The following COA1 variants were observed in gnomAD, a reference collection of about 807,000 sequenced individuals.
COA1 encodes cytochrome c oxidase assembly factor 1.
Under a neutral mutation model 16.0 loss-of-function variants are expected in COA1, and 13 were observed. That is an observed-to-expected ratio of 0.81 (90% CI 0.53 to 1.29). The LOEUF is 1.29. Ranked by LOEUF, COA1 falls within the 50% of genes most tolerant of loss-of-function variation. The pLI, the probability that COA1 is intolerant of heterozygous loss-of-function variation, is 0.00. For missense variants in COA1, 179 were observed against 177.0 expected (o/e 1.01, Z -0.06); for synonymous variants, 65 against 65.7 (o/e 0.99, Z 0.05).
At chr7:43,645,535 G>A (rs1025845382) in intron 3 of COA1, 136 bp from the exon 4 acceptor site, 1 of 748,240 alleles carries the variant, frequency 1.3e-6, no homozygotes, top group Non-Finnish European at 2.2e-6. Flanking sequence ...GAATAATTAA[G>A]GCCATCTACT....
chr7:43,615,135 A>AT (rs2083226851), intron 6 of COA1, among the ~76,000 whole-genome samples: 2 of 152,178 alleles, frequency 1.3e-5, no homozygotes, highest in Non-Finnish European at 2.9e-5. Context: ...TTGCCTGAAT[A>AT]ATAAGACATT....
intron 1 of COA1, among the ~76,000 whole-genome samples, chr7:43,695,716 A>C (rs1177258091): frequency 6.6e-6 from 1 of 150,832 alleles, no homozygotes; most frequent in Non-Finnish European, 1.5e-5. Context: ...TAAAACCAAG[A>C]GTGACCAACA....
At chr7:43,684,887 T>G (rs940549681) in intron 1 of COA1, among the ~76,000 whole-genome samples, 1 of 152,048 alleles carries the variant, frequency 6.6e-6, no homozygotes, top group Non-Finnish European at 1.5e-5. Flanking sequence ...GAAGAAACTT[T>G]AGACTTTATT....
chr7:43,679,803 G>C (rs1175007472), intron 1 of COA1, among the ~76,000 whole-genome samples: 1 of 152,188 alleles, frequency 6.6e-6, no homozygotes, highest in Admixed American at 6.5e-5. Context: ...AAGGGGTCAG[G>C]AAAGAACCTT....
intron 4 of COA1, among the ~76,000 whole-genome samples, chr7:43,644,761 G>GATAGATAGATAGAT (rs59592633): frequency 1.8e-4 from 16 of 90,196 alleles, no homozygotes; most frequent in East Asian, 9.4e-4. Flanking sequence ...TAGATAGATA[G>GATAGATAGATAGAT]GCAGGCAGGC....
At chr7:43,644,122 T>C (rs2088011055) in intron 4 of COA1, among the ~76,000 whole-genome samples, 1 of 152,154 alleles carries the variant, frequency 6.6e-6, no homozygotes, top group African/African-American at 2.4e-5. Flanking sequence ...TTCCCAGGCA[T>C]GCTGCTCCTC....
intron 1 of COA1, among the ~76,000 whole-genome samples, chr7:43,683,299 C>T (rs1309110220): frequency 1.3e-5 from 2 of 151,876 alleles, no homozygotes; most frequent in East Asian, 3.9e-4. Context: ...GTAAAGTAAC[C>T]CTGAGCTCAC....
chr7:43,706,606 C>T (rs371707291), intron 1 of COA1, among the ~76,000 whole-genome samples: 3 of 151,982 alleles, frequency 2.0e-5, no homozygotes, highest in East Asian at 3.8e-4. Flanking sequence ...CAGTGGCTCA[C>T]ACCTATAATC....
At chr7:43,725,609 A>T (rs569085275) in intron 1 of COA1, among the ~76,000 whole-genome samples, 1 of 152,312 alleles carries the variant, frequency 6.6e-6, no homozygotes, top group Non-Finnish European at 1.5e-5. Context: ...CTATAACCCC[A>T]GCACTTTAGG....
intron 1 of COA1, among the ~76,000 whole-genome samples, chr7:43,710,375 A>AATATATATATATATATATATAT (rs1554558920): frequency 1.1e-4 from 4 of 36,448 alleles, no homozygotes; most frequent in Admixed American, 4.7e-4. Flanking sequence ...AAAAAAAAAA[A>AATATATATATATATATATATAT]ATATATATAT....
chr7:43,662,924 C>T (rs1563298710), intron 1 of COA1, among the ~76,000 whole-genome samples: 1 of 152,180 alleles, frequency 6.6e-6, no homozygotes. Flanking sequence ...TGTCATAAAT[C>T]AAGTGCCATA....
At chr7:43,719,917 C>A (rs1001569781) in intron 1 of COA1, among the ~76,000 whole-genome samples, 1 of 152,156 alleles carries the variant, frequency 6.6e-6, no homozygotes, top group Admixed American at 6.5e-5. Flanking sequence ...GAGGCCACAT[C>A]ACAGAACAGG....
At chr7:43,692,887 A>G (rs2094419011) in intron 1 of COA1, among the ~76,000 whole-genome samples, 2 of 152,168 alleles carry the variant, frequency 1.3e-5, no homozygotes, top group African/African-American at 4.8e-5. Flanking sequence ...TCTTTTCTGA[A>G]GGTTCCTGCT....
intron 3 of COA1, chr7:43,646,152 A>G (rs1355819894): frequency 6.2e-6 from 1 of 160,508 alleles, no homozygotes; most frequent in Non-Finnish European, 1.4e-5. Flanking sequence ...GTCCCATCAC[A>G]CTAATGAAGG....
At chr7:43,646,558 A>G in intron 3 of COA1, 1 of 456,714 alleles carries the variant, frequency 2.2e-6, no homozygotes, top group South Asian at 1.5e-5. Context: ...TGCAGTGCCC[A>G]GGTCTCACCG....
intron 1 of COA1, among the ~76,000 whole-genome samples, chr7:43,724,023 T>G (rs2095561915): frequency 6.6e-6 from 1 of 152,218 alleles, no homozygotes; most frequent in African/African-American, 2.4e-5. Flanking sequence ...TTGCAATAAT[T>G]TTAAAACTCA....
chr7:43,704,638 G>A (rs2094897389), intron 1 of COA1, among the ~76,000 whole-genome samples: 1 of 152,130 alleles, frequency 6.6e-6, no homozygotes, highest in Non-Finnish European at 1.5e-5. Flanking sequence ...TGAAATTCCT[G>A]TAGTAAATTT....
intron 1 of COA1, 147 bp downstream of exon 1, chr7:43,729,282 C>A (rs1017193166): frequency 2.0e-5 from 3 of 152,324 alleles, no homozygotes; most frequent in African/African-American, 7.2e-5. Context: ...CGCGACCCGG[C>A]GCCGGCGCGA....
At chr7:43,624,869 A>C in intron 6 of COA1, 2 of 1,544,222 alleles carry the variant, frequency 1.3e-6, no homozygotes, top group Non-Finnish European at 1.7e-6. Context: ...GAACTTCAAG[A>C]TTTCTACATT....
Sources: allele counts gnomAD v4.1 joint callset (sites outside exome capture counted in the v4.1 genomes callset), GRCh38; gene constraint gnomAD v4.1.1; transcripts MANE v1.5; gene names NCBI Gene and HGNC (gene_info 2026-07-23, HGNC 2026-07-21).